Variants in PLCXD3 observed in about 807,000 individuals in gnomAD.
The protein encoded by PLCXD3 is PI-PLC X domain-containing protein 3.
PLCXD3 carries 19 observed loss-of-function variants against 25.5 expected under a neutral mutation model. That is an observed-to-expected ratio of 0.75 (90% confidence interval 0.52 to 1.09). The LOEUF is 1.09. Ranked by LOEUF, PLCXD3 falls within the 50% of genes least tolerant of loss-of-function variation. The pLI is 0.00. For synonymous variants in PLCXD3, 174 were observed against 137.6 expected (o/e 1.26, Z -1.85); for missense variants, 411 against 388.1 (o/e 1.06, Z -0.50).
intron 1 of PLCXD3, among the ~76,000 whole-genome samples, chr5:41,509,386 A>G (rs1003497981): frequency 6.6e-6 from 1 of 152,120 alleles, no homozygotes; most frequent in Non-Finnish European, 1.5e-5. Context: ...ACAATAAAGT[A>G]TGGCCGTGTC....
chr5:41,381,236 A>G (rs999327684), intron 2 of PLCXD3, among the ~76,000 whole-genome samples: 1 of 152,152 alleles, frequency 6.6e-6, no homozygotes, highest in Non-Finnish European at 1.5e-5. Context: ...GCACTACACA[A>G]ATGTGAAAAA....
At chr5:41,337,240 T>C (rs879304929) in intron 2 of PLCXD3, among the ~76,000 whole-genome samples, 2 of 152,134 alleles carry the variant, frequency 1.3e-5, no homozygotes, top group Admixed American at 1.3e-4. Context: ...TGACTTATTG[T>C]CAGTGACCAC....
chr5:41,504,549 T>A (rs661518), intron 1 of PLCXD3, among the ~76,000 whole-genome samples: 16,954 of 152,212 alleles, frequency 0.11, 1,356 homozygotes, highest in African/African-American at 0.23. Context: ...CCACAATGGG[T>A]GACCAAGCTC....
In PLCXD3 at chr5:41,309,657, C is replaced by A. The variant is rs756583255; in HGVS notation, c.*3960G>T. 15 of 152,120 alleles carry A rather than the reference C, an allele frequency of 9.9e-5. No homozygotes were observed. Among genetic ancestry groups the A allele is most frequent in the Non-Finnish European group, 1.8e-4 (12 of 68,000 alleles). 9.4% of individuals were successfully genotyped at this position (152,120 alleles called of 1,614,324 possible). A position where few individuals can be genotyped will look rare whatever the true frequency, so the allele number is the denominator to read the frequency against. ...AACAAGGAAGAACCTGAACAAATAA[C>A]CCTGGCTAAAAACATGTCAGAACTT... is the stretch of plus-strand genomic sequence containing the variant. On this transcript the variant is annotated 3_prime_UTR_variant, in exon 3 of 3. Coordinates refer to ENST00000377801, the MANE Select transcript of PLCXD3 (RefSeq NM_001005473.3).
rs1193459801 is a variant in PLCXD3 at position 41,308,969 on chromosome 5, G to A, written c.*4648C>T. The A allele has an allele frequency of 6.6e-6, 1 of 152,516 alleles. No individual in the cohort carries two copies. The highest frequency in any genetic ancestry group is 6.6e-5 in the Admixed American group (1 of 15,250). The allele number at this position is 152,516 out of a possible 1,614,324, so 9.4% of individuals were successfully genotyped here. A position where few individuals can be genotyped will look rare whatever the true frequency, so the allele number is the denominator to read the frequency against. ...AAGCCCATTCCTCACAAAATTAAAA[G>A]ACACCATTTTTAACAAAAACTTAAT... On this transcript the variant is annotated 3_prime_UTR_variant, in exon 3 of 3. Transcript: ENST00000377801.
At chr5:41,426,251 T>C (rs1402380339) in intron 1 of PLCXD3, among the ~76,000 whole-genome samples, 2 of 152,110 alleles carry the variant, frequency 1.3e-5, no homozygotes, top group Non-Finnish European at 2.9e-5. Context: ...ATAGTTTCTT[T>C]GGTGAGGGGT....
At chr5:41,327,765 A>G (rs1267664218) in intron 2 of PLCXD3, among the ~76,000 whole-genome samples, 1 of 152,178 alleles carries the variant, frequency 6.6e-6, no homozygotes, top group Admixed American at 6.5e-5. Flanking sequence ...GATGTTAAAA[A>G]TGTCCCCCAC....
In PLCXD3 at chr5:41,469,992, G is replaced by A. The variant is rs111813872; in HGVS notation, c.103+40432C>T. Among the ~76,000 whole-genome samples the A allele has an allele frequency of 3.8e-3, 574 of 152,294 alleles. 6 individuals carry two copies. Among genetic ancestry groups the A allele is most frequent in the African/African-American group, 0.012 (482 of 41,560 alleles). The stretch of plus-strand genomic sequence containing the variant: ...GTGGGGTCAAAAGTGATATTGGGCT[G>A]ATAAGAGCTAGTTTAGAAAGAACTC... On this transcript the variant is annotated intron_variant, in intron 1 of 2. Coordinates refer to ENST00000377801, the MANE Select transcript of PLCXD3 (RefSeq NM_001005473.3).
At chr5:41,409,666 G>A (rs1011177388) in intron 1 of PLCXD3, among the ~76,000 whole-genome samples, 7 of 152,108 alleles carry the variant, frequency 4.6e-5, no homozygotes, top group Non-Finnish European at 8.8e-5. Flanking sequence ...AATTCCATGA[G>A]AATTAGTATA....
At chr5:41,387,309 C>T (rs915561651) in intron 1 of PLCXD3, among the ~76,000 whole-genome samples, 1 of 152,100 alleles carries the variant, frequency 6.6e-6, no homozygotes, top group Non-Finnish European at 1.5e-5. Context: ...ATTTCTGATT[C>T]TAGCATGATC....
chr5:41,428,228 G>A (rs1747008180), intron 1 of PLCXD3, among the ~76,000 whole-genome samples: 1 of 151,996 alleles, frequency 6.6e-6, no homozygotes, highest in Non-Finnish European at 1.5e-5. Flanking sequence ...TATAAGCTCA[G>A]ACATGTATTA....
chr5:41,404,819 A>C (rs374501991), intron 1 of PLCXD3, among the ~76,000 whole-genome samples: 1 of 152,146 alleles, frequency 6.6e-6, no homozygotes, highest in East Asian at 1.9e-4. Context: ...TATCAAGTCA[A>C]TTTCATCTGT....
chr5:41,383,198 C>G (rs1222959510), intron 1 of PLCXD3, among the ~76,000 whole-genome samples: 1 of 152,008 alleles, frequency 6.6e-6, no homozygotes, highest in East Asian at 1.9e-4. Flanking sequence ...TCTTGCAAGT[C>G]AACAGCATTT....
At chr5:41,321,778 G>A (rs138917509) in intron 2 of PLCXD3, among the ~76,000 whole-genome samples, 3 of 152,196 alleles carry the variant, frequency 2.0e-5, no homozygotes, top group South Asian at 2.1e-4. Context: ...ACACATTTAC[G>A]GTCAACTCAC....
intron 1 of PLCXD3, 82 bp downstream of exon 1, chr5:41,510,342 T>C: frequency 8.0e-7 from 1 of 1,242,404 alleles, no homozygotes; most frequent in Non-Finnish European, 1.1e-6. Flanking sequence ...TCGTGGCAAG[T>C]TACCACTTAG....
intron 2 of PLCXD3, among the ~76,000 whole-genome samples, chr5:41,322,994 A>G (rs576748955): frequency 6.6e-6 from 1 of 152,180 alleles, no homozygotes; most frequent in East Asian, 1.9e-4. Flanking sequence ...AAGAAAAGAA[A>G]AAAGAAAATG....
chr5:41,482,409 C>A (rs975823784), intron 1 of PLCXD3, among the ~76,000 whole-genome samples: 1 of 152,114 alleles, frequency 6.6e-6, no homozygotes, highest in African/African-American at 2.4e-5. Flanking sequence ...ACTTACAAAT[C>A]TAGGAAGAGA....
intron 2 of PLCXD3, among the ~76,000 whole-genome samples, chr5:41,365,865 A>T (rs564832605): frequency 6.6e-6 from 1 of 152,098 alleles, no homozygotes; most frequent in African/African-American, 2.4e-5. Context: ...TTTTTGTAAA[A>T]TAGAGTTTTG....
At chr5:41,395,849 G>A (rs755935344) in intron 1 of PLCXD3, among the ~76,000 whole-genome samples, 4 of 151,966 alleles carry the variant, frequency 2.6e-5, no homozygotes, top group Non-Finnish European at 5.9e-5. Context: ...GGACCTGATG[G>A]TTTCACTGCT....
Sources: allele counts gnomAD v4.1 joint callset (sites outside exome capture counted in the v4.1 genomes callset), GRCh38; gene constraint gnomAD v4.1.1; transcripts MANE v1.5; gene names NCBI Gene and HGNC (gene_info 2026-07-23, HGNC 2026-07-21).